The following SSX7 variants were observed in gnomAD, a reference collection of about 807,000 sequenced individuals.
The protein encoded by SSX7 is protein SSX7.
A neutral mutation model predicts 14.7 loss-of-function variants in SSX7; 15 were observed. That is an observed-to-expected ratio of 1.02 (90% CI 0.68 to 1.58). SSX7 has a LOEUF of 1.58. Among genes scored for constraint, SSX7 ranks in the 40% most tolerant of loss-of-function variants. SSX7 has a pLI of 0.00. For missense variants in SSX7, 178 were observed against 146.8 expected (o/e 1.21, Z -1.10); for synonymous variants, 46 against 50.6 (o/e 0.91, Z 0.38).
rs782110428 is a variant in SSX7 at position 52,645,376 on chromosome X, C to T, written c.*4+63G>A. 7.5e-6 allele frequency: 9 copies of T among 1,205,627 alleles called. No individual in the cohort carries two copies. In the East Asian group the frequency reaches 2.1e-4, roughly 28 times the overall value. ...TGGGGAGCAAGTGACAGATGGGATA[C>T]CAGTATCATAACAGAATACCACATC... is the stretch of plus-strand genomic sequence containing the variant. On this transcript the variant is annotated intron_variant, in intron 7 of 7. Transcript: ENST00000298181.
chrX:52,652,187 A>G (rs1334253492), intron 4 of SSX7, 65 bp downstream of exon 4: 18 of 938,882 alleles, frequency 1.9e-5, no homozygotes, highest in South Asian at 5.9e-5. Flanking sequence ...ATCTTTCCCA[A>G]GTAGCTGAGC....
At chrX:52,654,528 C>T (rs1172101922) in intron 1 of SSX7, among the ~76,000 whole-genome samples, 21 of 107,900 alleles carry the variant, frequency 1.9e-4, no homozygotes, top group African/African-American at 6.8e-4. Flanking sequence ...CCACCGTACC[C>T]GGCCCAAATT....
rs781927560 is a variant in SSX7, at chrX:52,652,989, G to A, written c.70-5C>T. The A allele has an allele frequency of 5.9e-6, 7 of 1,194,300 alleles. No homozygotes were observed. In the East Asian group the frequency reaches 2.1e-4, roughly 36 times the overall value. ...TTTGGCAATATCATCGAAGGACTAG[G>A]AAAAGATAAAAAAGGAATTTTGTCA... On this transcript the variant is annotated splice_region_variant and splice_polypyrimidine_tract_variant and intron_variant, in intron 2 of 7. Coordinates refer to ENST00000298181, the MANE Select transcript of SSX7 (RefSeq NM_173358.2).
At chrX:52,647,502 CAG>C (rs1310374516) in intron 6 of SSX7, among the ~76,000 whole-genome samples, 2 of 111,603 alleles carry the variant, frequency 1.8e-5, no homozygotes, top group Non-Finnish European at 3.8e-5. Flanking sequence ...CTTCATGAAG[CAG>C]AGAGTTAATC....
chrX:52,645,693 G>A (rs782252722), intron 6 of SSX7, 150 bp from the exon 7 acceptor site: 2 of 568,268 alleles, frequency 3.5e-6, no homozygotes, highest in South Asian at 3.2e-5. Flanking sequence ...TAGAGAGGCT[G>A]AGACCTTAGA....
chrX:52,646,167 G>A (rs1447613322), intron 6 of SSX7, among the ~76,000 whole-genome samples: 15 of 111,732 alleles, frequency 1.3e-4, no homozygotes, highest in African/African-American at 3.9e-4. Context: ...CAGTTCAAGC[G>A]ATTCTCCTGC....
Position 52,645,474 on chromosome X carries a change from T to A in SSX7, c.536A>T (p.Glu179Val). The A allele has an allele frequency of 8.3e-7, 1 of 1,203,497 alleles. No homozygotes were observed. The highest frequency in any genetic ancestry group is 1.1e-6 in the Non-Finnish European group (1 of 891,706). The stretch of plus-strand genomic sequence containing the variant: ...GTCGTCTTCTTCAGGGTCGCTGATC[T>A]CTTCATAAATCACCAGCTGCTTTCT... ...RERKQLVIYE[E>V]ISDPEEDDE Residue 179 changes from glutamate to valine, a missense_variant, in exon 7 of 8, where the codon GAG (glutamate) becomes GTG (valine). By Grantham distance (121) the Glu-to-Val change is moderately radical. Transcript: ENST00000298181.
At chrX:52,649,250 T>C (rs1925348404) in intron 5 of SSX7, among the ~76,000 whole-genome samples, 4 of 111,120 alleles carry the variant, frequency 3.6e-5, no homozygotes, top group Non-Finnish European at 3.8e-5. Context: ...AGGATGGTCT[T>C]GACCTCTTGA....
rs781930259 is a variant in SSX7 at position 52,652,264 on chromosome X, G to C, written c.268C>G (p.Gln90Glu). The C allele has an allele frequency of 8.3e-7, 1 of 1,204,809 alleles. No homozygotes were observed. Among genetic ancestry groups the C allele is most frequent in the South Asian group, 1.8e-5 (1 of 56,730 alleles). The change falls in exon 4 of 8, where the codon CAA (glutamine) becomes GAA (glutamate). Residue 90 changes from glutamine (Q) to glutamate (E), a missense_variant. Coordinates refer to ENST00000298181, the MANE Select transcript of SSX7 (RefSeq NM_173358.2). ...QGNDFDNDRN[Q>E]GNQVERPQMT... ...CCCGTCTACTCACCCTGATTCCCTTGGTTACGGTCATTATCAAAATCATTC... is the reference window on the plus strand; with the variant it reads ...CCCGTCTACTCACCCTGATTCCCTTCGTTACGGTCATTATCAAAATCATTC...
chrX:52,651,006 T>C (rs782304389), intron 4 of SSX7, among the ~76,000 whole-genome samples: 2 of 112,130 alleles, frequency 1.8e-5, no homozygotes. Flanking sequence ...TGTCTTATAA[T>C]TGTGTTGTCA....
chrX:52,646,804 G>A (rs139243696), intron 6 of SSX7, among the ~76,000 whole-genome samples: 2,254 of 111,741 alleles, frequency 0.02, 29 homozygotes, highest in Middle Eastern at 0.092. Context: ...GAAGAGTCGC[G>A]TGTCTCACAC....
At chrX:52,650,736 A>C (rs1925400836) in intron 4 of SSX7, among the ~76,000 whole-genome samples, 1 of 112,542 alleles carries the variant, frequency 8.9e-6, no homozygotes, top group Non-Finnish European at 1.9e-5. Context: ...GCAACAACTG[A>C]AAATCATTGC....
chrX:52,647,436 A>G (rs189550410), intron 6 of SSX7, among the ~76,000 whole-genome samples: 91 of 112,640 alleles, frequency 8.1e-4, no homozygotes, highest in African/African-American at 2.8e-3. Context: ...GAACTTTGAA[A>G]GAAGTTCTAC....
At chrX:52,649,871 C>A (rs1260303583) in intron 5 of SSX7, among the ~76,000 whole-genome samples, 3 of 112,250 alleles carry the variant, frequency 2.7e-5, no homozygotes, top group Non-Finnish European at 3.8e-5. Context: ...ACTACCACTG[C>A]CACTGTGCCC....
chrX:52,645,372 G>A, intron 7 of SSX7, 67 bp downstream of exon 7: 2 of 1,208,905 alleles, frequency 1.7e-6, no homozygotes, highest in Non-Finnish European at 2.2e-6. Flanking sequence ...TGACAGATGG[G>A]ATACCAGTAT....
chrX:52,654,189 C>G (rs1262397539), intron 1 of SSX7, among the ~76,000 whole-genome samples: 4 of 108,876 alleles, frequency 3.7e-5, no homozygotes, highest in African/African-American at 1.3e-4. Flanking sequence ...ATCGCTTGAG[C>G]CCATGAGCTT....
At chrX:52,652,812 C>T (rs1925478558) in intron 3 of SSX7, 58 bp downstream of exon 3, 9 of 1,040,029 alleles carry the variant, frequency 8.7e-6, no homozygotes, top group African/African-American at 1.9e-5. Flanking sequence ...GTAGCCAAAG[C>T]AGGAATAGGG....
chrX:52,653,066 TG>T, intron 2 of SSX7, 82 bp from the exon 3 acceptor site: 5 of 1,178,758 alleles, frequency 4.2e-6, no homozygotes, highest in Middle Eastern at 4.8e-4. Context: ...TCCTGTGTGC[TG>T]GATCTGGGAA....
chrX:52,646,849 GAGGAAGGCATGCTGAA>G (rs1556766391), intron 6 of SSX7, among the ~76,000 whole-genome samples: 1 of 112,422 alleles, frequency 8.9e-6, no homozygotes, highest in Admixed American at 9.5e-5. Context: ...TAAGCTTAGT[GAGGAAGGCATGCTGAA>G]AGCCAAGACA....
Sources: allele counts gnomAD v4.1 joint callset (sites outside exome capture counted in the v4.1 genomes callset), GRCh38; gene constraint gnomAD v4.1.1; transcripts MANE v1.5; gene names NCBI Gene and HGNC (gene_info 2026-07-23, HGNC 2026-07-21).